PDE7B: variants seen among roughly 807,000 people sequenced by gnomAD.
PDE7B encodes 3',5'-cyclic-AMP phosphodiesterase 7B.
In PDE7B, 29 loss-of-function variants were observed where a neutral mutation model predicts 56.2. The observed-to-expected ratio is 0.52, with a 90% confidence interval of 0.38 to 0.70. PDE7B has a LOEUF of 0.70. Ranked by LOEUF, PDE7B falls within the 30% of genes least tolerant of loss-of-function variation. The pLI is 0.00. For synonymous variants in PDE7B, 197 were observed against 196.9 expected (o/e 1.00, Z 0.00); for missense variants, 490 against 565.0 (o/e 0.87, Z 1.35).
intron 2 of PDE7B, among the ~76,000 whole-genome samples, chr6:136,050,956 C>T (rs1033513950): frequency 2.6e-4 from 39 of 152,082 alleles, no homozygotes; most frequent in Admixed American, 2.5e-3. Flanking sequence ...CTGCTAATGC[C>T]GTTCAGAGCC....
chr6:136,052,246 T>C (rs1443617530), intron 2 of PDE7B, among the ~76,000 whole-genome samples: 7 of 152,084 alleles, frequency 4.6e-5, no homozygotes, highest in African/African-American at 1.7e-4. Flanking sequence ...TGAGCAAAAC[T>C]GGGATCAGAA....
intron 2 of PDE7B, among the ~76,000 whole-genome samples, chr6:136,003,578 A>G (rs1359005402): frequency 6.6e-6 from 1 of 152,240 alleles, no homozygotes; most frequent in African/African-American, 2.4e-5. Context: ...AAACACCTCT[A>G]TGCAAATAAA....
intron 2 of PDE7B, among the ~76,000 whole-genome samples, chr6:135,979,453 T>G (rs1045917941): frequency 2.0e-5 from 3 of 151,656 alleles, no homozygotes; most frequent in Admixed American, 6.6e-5. Context: ...GAAGGAATGG[T>G]ACCAGTTCCT....
intron 3 of PDE7B, among the ~76,000 whole-genome samples, chr6:136,142,361 T>A (rs1272474480): frequency 1.3e-5 from 2 of 152,026 alleles, no homozygotes; most frequent in South Asian, 2.1e-4. Context: ...TGCTGAGGAG[T>A]GCTTTACTTC....
At chr6:135,996,815 C>A (rs1438578292) in intron 2 of PDE7B, among the ~76,000 whole-genome samples, 1 of 152,138 alleles carries the variant, frequency 6.6e-6, no homozygotes, top group African/African-American at 2.4e-5. Flanking sequence ...TATGAAGGAT[C>A]CAGGGTAGAT....
In PDE7B at chr6:136,187,604, C is replaced by G. The variant is rs79089113; in HGVS notation, c.1126+488C>G. 4.1e-3 allele frequency among the ~76,000 whole-genome samples: 623 copies of G among 152,266 alleles called. 5 individuals carry two copies. Among genetic ancestry groups the G allele is most frequent in the African/African-American group, 0.015 (603 of 41,526 alleles). On this transcript the variant is annotated intron_variant, in intron 12 of 12. Coordinates refer to ENST00000308191, the MANE Select transcript of PDE7B (RefSeq NM_018945.4). ...TCCTGGGATTCCCAGTTTCACTAGT[C>G]CTTCCTTCAAAACTTATTTTCAGGT...
intron 1 of PDE7B, among the ~76,000 whole-genome samples, chr6:135,864,793 TTTATTA>T (rs763625767): frequency 6.6e-6 from 1 of 152,052 alleles, no homozygotes; most frequent in Non-Finnish European, 1.5e-5. Context: ...CCTTTCTTTT[TTTATTA>T]TTATTATTAT....
chr6:135,957,494 C>T (rs1002481076), intron 2 of PDE7B, among the ~76,000 whole-genome samples: 2 of 152,130 alleles, frequency 1.3e-5, no homozygotes, highest in African/African-American at 4.8e-5. Flanking sequence ...CCTTTATTCT[C>T]CTTAACTGCT....
chr6:135,920,937 G>C (rs1774064733), intron 1 of PDE7B, among the ~76,000 whole-genome samples: 1 of 152,148 alleles, frequency 6.6e-6, no homozygotes, highest in Admixed American at 6.5e-5. Context: ...AAACAATGTG[G>C]TGCTGGTAGT....
intron 3 of PDE7B, among the ~76,000 whole-genome samples, chr6:136,129,589 G>A (rs539681570): frequency 5.3e-5 from 8 of 152,238 alleles, no homozygotes; most frequent in East Asian, 1.9e-4. Flanking sequence ...CTCTCCAGGA[G>A]CAGAAGCTGT....
chr6:135,964,262 C>G (rs1367179461), intron 2 of PDE7B, among the ~76,000 whole-genome samples: 2 of 151,998 alleles, frequency 1.3e-5, no homozygotes, highest in Non-Finnish European at 2.9e-5. Context: ...CACCACCACA[C>G]CCGGCTAATT....
chr6:136,036,277 A>C (rs1776324812), intron 2 of PDE7B, among the ~76,000 whole-genome samples: 1 of 152,224 alleles, frequency 6.6e-6, no homozygotes, highest in Non-Finnish European at 1.5e-5. Context: ...TTTCTAATCA[A>C]GTAGACCGCT....
intron 2 of PDE7B, among the ~76,000 whole-genome samples, chr6:135,949,853 T>C (rs1430679935): frequency 1.3e-5 from 2 of 152,154 alleles, no homozygotes; most frequent in African/African-American, 2.4e-5. Flanking sequence ...AAATAATTAA[T>C]GACTATTCAA....
At chr6:135,955,365 G>C (rs1358212464) in intron 2 of PDE7B, among the ~76,000 whole-genome samples, 2 of 152,096 alleles carry the variant, frequency 1.3e-5, no homozygotes, top group East Asian at 3.9e-4. Flanking sequence ...AGAAGCTCCA[G>C]ACAGCCCTGG....
At chr6:135,905,682 G>A (rs565530662) in intron 1 of PDE7B, among the ~76,000 whole-genome samples, 2 of 152,264 alleles carry the variant, frequency 1.3e-5, no homozygotes, top group Admixed American at 1.3e-4. Context: ...ACAGTCAGCC[G>A]AGCACAGCCC....
intron 8 of PDE7B, among the ~76,000 whole-genome samples, chr6:136,158,297 A>C (rs1455291676): frequency 3.9e-5 from 6 of 152,050 alleles, no homozygotes; most frequent in Non-Finnish European, 7.3e-5. Context: ...AAATTTTAAA[A>C]TAAGTTGCAG....
chr6:136,108,740 G>A lies in PDE7B; in HGVS notation c.92G>A (p.Arg31Gln), dbSNP rs906155870. 2.2e-5 allele frequency: 35 copies of A among 1,606,724 alleles called. No individual in the cohort carries two copies. Among genetic ancestry groups the A allele is most frequent in the African/African-American group, 8.0e-5 (6 of 74,710 alleles). The change falls in exon 3 of 13, where the codon CGA becomes CAA. Residue 31 changes from arginine to glutamine, a missense_variant. Transcript: ENST00000308191. ...AKCVCMLGDI[R>Q]LRGQTGVRAE... is the part of the protein sequence containing the mutation. The stretch of plus-strand genomic sequence containing the variant: ...ATTTTCTGTTTTCTAGGAGATATAC[G>A]ACTAAGGGGTCAGACGGGGGTTCGT...
chr6:136,122,051 A>C (rs917417775), intron 3 of PDE7B, among the ~76,000 whole-genome samples: 2 of 151,744 alleles, frequency 1.3e-5, no homozygotes, highest in Non-Finnish European at 2.9e-5. Context: ...GCTGGAGCGC[A>C]GTGGTGTGAT....
At chr6:135,922,471 G>T (rs1774102043) in intron 1 of PDE7B, among the ~76,000 whole-genome samples, 1 of 152,168 alleles carries the variant, frequency 6.6e-6, no homozygotes, top group African/African-American at 2.4e-5. Flanking sequence ...ACAAAAACCA[G>T]TCTGGGTTTA....
Sources: allele counts gnomAD v4.1 joint callset (sites outside exome capture counted in the v4.1 genomes callset), GRCh38; gene constraint gnomAD v4.1.1; transcripts MANE v1.5; gene names NCBI Gene and HGNC (gene_info 2026-07-23, HGNC 2026-07-21).